Variants in HTR2A observed in about 807,000 individuals in gnomAD.
HTR2A encodes the protein 5-HT2 receptor.
A neutral mutation model predicts 31.0 loss-of-function variants in HTR2A; 14 were observed. The ratio of observed to expected loss-of-function variants is 0.45; its 90% CI spans 0.30 to 0.71. The LOEUF (loss-of-function observed/expected upper bound fraction) is 0.71, where lower values mean the gene tolerates loss of function less well. Among genes scored for constraint, HTR2A ranks in the 30% least tolerant of loss-of-function variants. The pLI is 0.09. For missense variants in HTR2A, 442 were observed against 573.3 expected, an observed-to-expected ratio of 0.77 and a Z score of 2.34; for synonymous variants, 209 against 225.2, an observed-to-expected ratio of 0.93 and a Z score of 0.64.
In HTR2A at chr13:46,895,828, G is replaced by A; in HGVS notation, c.79C>T (p.Leu27Phe). ...CCGGAGTTAAAGTCATTACTGTAGA[G>A]CCTGGTGTCATCATTTAATTGCATT... ...SLMQLNDDTRLYSNDFNSGEA... is the reference protein window; with the variant it reads ...SLMQLNDDTRFYSNDFNSGEA... Residue 27 changes from leucine to phenylalanine, a missense_variant, in exon 2 of 4, where the codon CTC (leucine) becomes TTC (phenylalanine). Coordinates refer to ENST00000542664, the MANE Select transcript of HTR2A (RefSeq NM_000621.5). This position sits in a 1 kb window ranked among gnomAD's most constrained non-coding sequence, Gnocchi z 4.4. The A allele has an allele frequency of 6.2e-7, 1 of 1,614,050 alleles. No individual in the cohort carries two copies. The highest frequency in any genetic ancestry group is 1.1e-5 in the South Asian group (1 of 91,080).
intron 3 of HTR2A, among the ~76,000 whole-genome samples, chr13:46,853,378 G>T (rs887035163): frequency 1.3e-5 from 2 of 152,094 alleles, no homozygotes; most frequent in African/African-American, 4.8e-5. Flanking sequence ...CCCTTGGGCT[G>T]GGAGGAGAAA....
chr13:46,887,531 G>C (rs1005160104), intron 3 of HTR2A, among the ~76,000 whole-genome samples: 2 of 150,186 alleles, frequency 1.3e-5, no homozygotes, highest in Non-Finnish European at 3.0e-5. Flanking sequence ...ACTCAGAAAA[G>C]AGAAATCCCT....
intron 3 of HTR2A, among the ~76,000 whole-genome samples, chr13:46,860,726 T>G (rs1006231412): frequency 6.6e-6 from 1 of 152,186 alleles, no homozygotes; most frequent in African/African-American, 2.4e-5. Flanking sequence ...ATCAACAAAG[T>G]GGCCATTAAC....
rs974091527 is a variant in HTR2A, at chr13:46,831,755, T to C, written c.*3082A>G. 3 of 152,246 alleles carry C rather than the reference T, an allele frequency of 2.0e-5. No individual in the cohort carries two copies. Among genetic ancestry groups the C allele is most frequent in the African/African-American group, 7.2e-5 (3 of 41,456 alleles). 9.4% of individuals were successfully genotyped at this position (152,246 alleles called of 1,614,324 possible). On this transcript the variant is annotated 3_prime_UTR_variant, in exon 4 of 4. Transcript: ENST00000542664. ...AGCAGTACAGTGACTTAGTTCAATTTGGCTACGGTAGCACTTTAAAAAATT... is the reference window on the plus strand; with the variant it reads ...AGCAGTACAGTGACTTAGTTCAATTCGGCTACGGTAGCACTTTAAAAAATT...
At chr13:46,887,270 A>C (rs1951013718) in intron 3 of HTR2A, among the ~76,000 whole-genome samples, 1 of 151,780 alleles carries the variant, frequency 6.6e-6, no homozygotes, top group Non-Finnish European at 1.5e-5. Flanking sequence ...ATACAAAAAA[A>C]AATTTAGCCG....
rs944229006 is a variant in HTR2A at position 46,833,386 on chromosome 13, G to A, written c.*1451C>T. 1 of 151,704 alleles carries A rather than the reference G, an allele frequency of 6.6e-6. No individual in the cohort carries two copies. Among genetic ancestry groups the A allele is most frequent in the Non-Finnish European group, 1.5e-5 (1 of 67,966 alleles). 9.4% of individuals were successfully genotyped at this position (151,704 alleles called of 1,614,324 possible). A position where few individuals can be genotyped will look rare whatever the true frequency, so the allele number is the denominator to read the frequency against. On this transcript the variant is annotated 3_prime_UTR_variant, in exon 4 of 4. Transcript: ENST00000542664. ...TTTCTTTCTTTTTTTTTGTGATAGGGTCTCACTCTGTTGCCCAGGAGGAAA... is the reference window on the plus strand; with the variant it reads ...TTTCTTTCTTTTTTTTTGTGATAGGATCTCACTCTGTTGCCCAGGAGGAAA...
intron 3 of HTR2A, among the ~76,000 whole-genome samples, chr13:46,845,243 C>T (rs1374869370): frequency 3.3e-5 from 5 of 152,122 alleles, no homozygotes; most frequent in East Asian, 1.9e-4. Flanking sequence ...TGTCACAGTG[C>T]GAGGCTCATT....
chr13:46,836,575 A>G (rs1876459347), intron 3 of HTR2A, among the ~76,000 whole-genome samples: 1 of 152,176 alleles, frequency 6.6e-6, no homozygotes, highest in Admixed American at 6.5e-5. Context: ...AAAAGCTTTT[A>G]TTATGGGACA....
intron 1 of HTR2A, among the ~76,000 whole-genome samples, 176 bp downstream of exon 1, chr13:46,896,498 A>G (rs1446847408): frequency 6.6e-6 from 1 of 152,224 alleles, no homozygotes; most frequent in African/African-American, 2.4e-5. Flanking sequence ...CAGGAATTTC[A>G]GCTCCTATAA....
intron 3 of HTR2A, among the ~76,000 whole-genome samples, chr13:46,886,400 A>T (rs1279872803): frequency 6.6e-6 from 1 of 152,180 alleles, no homozygotes; most frequent in Non-Finnish European, 1.5e-5. Context: ...TGGAAGGGCT[A>T]AAACTGATGC....
chr13:46,833,368 C>CT lies in HTR2A; in HGVS notation c.*1468dup, dbSNP rs138503618. On this transcript the variant is annotated 3_prime_UTR_variant, in exon 4 of 4. Transcript: ENST00000542664. ...GTTTAGTCATTTTCTTTTTTTCTTT[C>CT]TTTTTTTTTGTGATAGGGTCTCACT... 0.1 allele frequency: 15,640 copies of CT among 150,758 alleles called. 1,021 individuals are homozygous for CT. The highest frequency in any genetic ancestry group is 0.18 in the African/African-American group (7,476 of 41,070). The allele number at this position is 150,758 out of a possible 1,614,324, so 9.3% of individuals were successfully genotyped here.
At chr13:46,864,520 C>A (rs1950805104) in intron 3 of HTR2A, among the ~76,000 whole-genome samples, 3 of 152,282 alleles carry the variant, frequency 2.0e-5, no homozygotes, top group East Asian at 1.9e-4. Flanking sequence ...GACCAAGGAG[C>A]CATCTCTCTG....
chr13:46,855,596 A>G (rs1046721942), intron 3 of HTR2A, among the ~76,000 whole-genome samples: 6 of 152,064 alleles, frequency 3.9e-5, no homozygotes, highest in African/African-American at 9.7e-5. Context: ...GCCAGGGAAC[A>G]TGTAAACTGG....
intron 3 of HTR2A, among the ~76,000 whole-genome samples, chr13:46,876,651 T>C (rs61948333): frequency 0.04 from 6,106 of 151,908 alleles, 168 homozygotes; most frequent in South Asian, 0.096. Context: ...CTCCTGACCT[T>C]GTGATCCATC....
intron 3 of HTR2A, among the ~76,000 whole-genome samples, chr13:46,888,219 A>G (rs1371272467): frequency 6.6e-6 from 1 of 152,212 alleles, no homozygotes; most frequent in Non-Finnish European, 1.5e-5. Context: ...ATGGTGACCA[A>G]GAGTTTTGTC....
At chr13:46,890,064 G>A (rs1252345750) in intron 3 of HTR2A, among the ~76,000 whole-genome samples, 3 of 152,206 alleles carry the variant, frequency 2.0e-5, no homozygotes, top group Non-Finnish European at 4.4e-5. Context: ...CTGGTCAAAT[G>A]TGGGGGCAGT....
At chr13:46,881,026 C>T (rs1414173411) in intron 3 of HTR2A, among the ~76,000 whole-genome samples, 2 of 152,198 alleles carry the variant, frequency 1.3e-5, no homozygotes, top group Non-Finnish European at 2.9e-5. Flanking sequence ...GCCACTCTGG[C>T]AGGCTCTCAG....
chr13:46,861,505 A>C (rs1950778249), intron 3 of HTR2A, among the ~76,000 whole-genome samples: 1 of 152,198 alleles, frequency 6.6e-6, no homozygotes, highest in African/African-American at 2.4e-5. Flanking sequence ...TTTGGGAGAC[A>C]TTGGAAAGGC....
At chr13:46,892,703 C>T (rs945079840) in intron 2 of HTR2A, 113 bp from the exon 3 acceptor site, 2 of 782,266 alleles carry the variant, frequency 2.6e-6, no homozygotes, top group Non-Finnish European at 4.3e-6. Context: ...TGGCAAAGGG[C>T]AACACAATAT....
Sources: allele counts gnomAD v4.1 joint callset (sites outside exome capture counted in the v4.1 genomes callset), GRCh38; gene constraint gnomAD v4.1.1; non-coding constraint Gnocchi (gnomAD v3.1); transcripts MANE v1.5; gene names NCBI Gene and HGNC (gene_info 2026-07-23, HGNC 2026-07-21).